Variants in NDST4 observed in about 807,000 individuals in gnomAD.
NDST4 encodes the protein N-heparan sulfate sulfotransferase 4.
In NDST4, 63 loss-of-function variants were observed where a neutral mutation model predicts 100.8. The observed-to-expected ratio is 0.62, with a 90% confidence interval of 0.51 to 0.77. The LOEUF (loss-of-function observed/expected upper bound fraction) is 0.77. Ranked by LOEUF, NDST4 falls within the 30% of genes least tolerant of loss-of-function variation. NDST4 has a pLI of 0.00. For missense variants in NDST4, 943 were observed against 1,018.4 expected, an observed-to-expected ratio of 0.93 and a Z score of 1.01; for synonymous variants, 377 against 361.8, an observed-to-expected ratio of 1.04 and a Z score of -0.48.
intron 2 of NDST4, among the ~76,000 whole-genome samples, chr4:115,046,026 G>T (rs1728458056): frequency 6.6e-6 from 1 of 152,142 alleles, no homozygotes; most frequent in Non-Finnish European, 1.5e-5. Context: ...GCTCACACCT[G>T]TCGCCTTCTC....
At position 114,935,311 on chromosome 4, in the gene NDST4, C is replaced by T. The variant is rs1424819849; in HGVS notation, c.1431G>A (p.Gly477=). ...TGTAGAAAATAGTGTGAGTGAACAA[C>T]CCACAAGTCTGTCGAGGGAGGACCT... The part of the protein sequence containing the change: ...SIMVLPRQTC[G]LFTHTIFYKE... The change falls in exon 6 of 14, where the codon GGG becomes GGA. Residue 477 remains glycine (G), a synonymous_variant. Coordinates refer to ENST00000264363, the MANE Select transcript of NDST4 (RefSeq NM_022569.3). The T allele has an allele frequency of 4.4e-6, 7 of 1,607,936 alleles. No individual in the cohort carries two copies. Among genetic ancestry groups the T allele is most frequent in the African/African-American group, 1.3e-5 (1 of 74,472 alleles).
intron 2 of NDST4, among the ~76,000 whole-genome samples, chr4:115,067,162 A>G (rs1389799461): frequency 6.6e-6 from 1 of 152,062 alleles, no homozygotes; most frequent in East Asian, 1.9e-4. Context: ...ACTTTCACAT[A>G]CTGCTTGCTT....
chr4:115,048,232 C>T (rs887391980), intron 2 of NDST4, among the ~76,000 whole-genome samples: 6 of 151,778 alleles, frequency 4.0e-5, no homozygotes, highest in Non-Finnish European at 8.8e-5. Context: ...TATTTTGAAC[C>T]AGTTAAAAGA....
At chr4:115,003,154 G>A (rs1386080097) in intron 2 of NDST4, among the ~76,000 whole-genome samples, 1 of 152,016 alleles carries the variant, frequency 6.6e-6, no homozygotes, top group Non-Finnish European at 1.5e-5. Context: ...CTAGATGACA[G>A]GTTGATGGGT....
chr4:115,105,036 A>G (rs933311697), intron 1 of NDST4, among the ~76,000 whole-genome samples: 12 of 152,166 alleles, frequency 7.9e-5, no homozygotes, highest in Non-Finnish European at 1.8e-4. Flanking sequence ...GCTGAAGCAG[A>G]GAAGAGTTAG....
chr4:114,945,275 G>T (rs1253332679), intron 4 of NDST4, among the ~76,000 whole-genome samples: 1 of 148,056 alleles, frequency 6.8e-6, no homozygotes, highest in African/African-American at 2.5e-5. Context: ...AAACATACAG[G>T]AGTCATTGCC....
At chr4:114,989,250 C>A (rs77614495) in intron 2 of NDST4, among the ~76,000 whole-genome samples, 1 of 152,116 alleles carries the variant, frequency 6.6e-6, no homozygotes, top group Admixed American at 6.5e-5. Flanking sequence ...CTCTCATTTC[C>A]CAACAAGAGA....
At chr4:115,007,424 T>A (rs1727443468) in intron 2 of NDST4, among the ~76,000 whole-genome samples, 1 of 152,270 alleles carries the variant, frequency 6.6e-6, no homozygotes, top group Non-Finnish European at 1.5e-5. Flanking sequence ...ATTGAAAATT[T>A]AAGTGAGAAG....
intron 6 of NDST4, among the ~76,000 whole-genome samples, chr4:114,872,927 T>C (rs1428019477): frequency 6.6e-6 from 1 of 152,010 alleles, no homozygotes; most frequent in African/African-American, 2.4e-5. Flanking sequence ...TTTTTCCTTT[T>C]GCCCTTTTCA....
At position 114,892,564 on chromosome 4, in the gene NDST4, A is replaced by C. The variant is rs11947913; in HGVS notation, c.1537-21614T>G. On this transcript the variant is annotated intron_variant, in intron 6 of 13. Coordinates refer to ENST00000264363, the MANE Select transcript of NDST4 (RefSeq NM_022569.3). ...ACCACTTAAGTTTTTACCATAATAC[A>C]AGCAAACTATTTCACATACATTGTG... Among the ~76,000 whole-genome samples the C allele has an allele frequency of 2.7e-3, 413 of 152,176 alleles. 3 individuals are homozygous for C. Among genetic ancestry groups the C allele is most frequent in the African/African-American group, 9.8e-3 (406 of 41,550 alleles).
chr4:115,090,500 C>CT (rs550806136), intron 1 of NDST4, among the ~76,000 whole-genome samples: 81 of 151,658 alleles, frequency 5.3e-4, no homozygotes, highest in African/African-American at 1.8e-3. Context: ...ATCCAGTCAC[C>CT]TTTTTTTATA....
At chr4:115,078,992 C>A (rs2126290716) in intron 1 of NDST4, among the ~76,000 whole-genome samples, 1 of 152,010 alleles carries the variant, frequency 6.6e-6, no homozygotes, top group South Asian at 2.1e-4. Flanking sequence ...CATAAATTAC[C>A]CAGTTGCAGC....
At position 114,970,412 on chromosome 4, in the gene NDST4, A is replaced by G; in HGVS notation, c.1221+18T>C. 2 of 1,602,054 alleles carry G rather than the reference A, an allele frequency of 1.2e-6. No homozygotes were observed. Among genetic ancestry groups the G allele is most frequent in the African/African-American group, 1.3e-5 (1 of 74,698 alleles). On this transcript the variant is annotated intron_variant, in intron 4 of 13. Coordinates refer to ENST00000264363, the MANE Select transcript of NDST4 (RefSeq NM_022569.3). ...CACAACTTATAGTTCAAAAGATACC[A>G]CAATAAAATGTGCTCACCAGTGCAA... is the stretch of plus-strand genomic sequence containing the variant.
chr4:114,897,960 T>C (rs754083513), intron 6 of NDST4, among the ~76,000 whole-genome samples: 14 of 152,202 alleles, frequency 9.2e-5, no homozygotes, highest in Admixed American at 2.0e-4. Flanking sequence ...GTAACAGTCG[T>C]ATATTTGATG....
chr4:114,903,568 TTTGCA>T (rs1214763074), intron 6 of NDST4, among the ~76,000 whole-genome samples: 1 of 151,990 alleles, frequency 6.6e-6, no homozygotes, highest in Admixed American at 6.6e-5. Context: ...ATTATTTGTA[TTTGCA>T]TTTCTAGCTC....
In NDST4 at chr4:114,829,614, ATCTC is replaced by A. The variant is rs564755617; in HGVS notation, c.2499+172_2499+175del. Among the ~76,000 whole-genome samples the A allele has an allele frequency of 7.8e-4, 118 of 152,142 alleles. 1 individual carries two copies. Among genetic ancestry groups the A allele is most frequent in the African/African-American group, 2.7e-3 (111 of 41,462 alleles). On this transcript the variant is annotated intron_variant, in intron 13 of 13. Coordinates refer to ENST00000264363, the MANE Select transcript of NDST4 (RefSeq NM_022569.3). ...TATTAATTTTAGTATCTATCTACCG[ATCTC>A]TATCTATCTATCATTTCTATGTGTC...
chr4:114,918,292 A>G (rs568242379), intron 6 of NDST4, among the ~76,000 whole-genome samples: 2 of 150,290 alleles, frequency 1.3e-5, no homozygotes, highest in East Asian at 4.0e-4. Flanking sequence ...AGGAGCAATC[A>G]TGTACTGTGT....
At chr4:114,876,094 A>G (rs1724249000) in intron 6 of NDST4, among the ~76,000 whole-genome samples, 1 of 152,182 alleles carries the variant, frequency 6.6e-6, no homozygotes. Flanking sequence ...ATGCACAATC[A>G]CAAACACAGG....
At chr4:115,051,027 C>A (rs1223950793) in intron 2 of NDST4, among the ~76,000 whole-genome samples, 1 of 152,010 alleles carries the variant, frequency 6.6e-6, no homozygotes, top group Non-Finnish European at 1.5e-5. Flanking sequence ...GTAAGAGTTT[C>A]AAGTTAAACA....
Sources: allele counts gnomAD v4.1 joint callset (sites outside exome capture counted in the v4.1 genomes callset), GRCh38; gene constraint gnomAD v4.1.1; transcripts MANE v1.5; gene names NCBI Gene and HGNC (gene_info 2026-07-23, HGNC 2026-07-21).